Variants in CEACAM3 observed in about 807,000 individuals in gnomAD.
The protein encoded by CEACAM3 is CEA cell adhesion molecule 3.
In CEACAM3, 32 loss-of-function variants were observed where a neutral mutation model predicts 30.1. The observed-to-expected ratio is 1.06, with a 90% CI of 0.80 to 1.43. CEACAM3 has a LOEUF of 1.43. Ranked by LOEUF, CEACAM3 falls within the 40% of genes most tolerant of loss-of-function variation. CEACAM3 has a pLI of 0.00. For synonymous variants in CEACAM3, 134 were observed against 127.2 expected, an observed-to-expected ratio of 1.05 and a Z score of -0.36; for missense variants, 290 against 316.3, an observed-to-expected ratio of 0.92 and a Z score of 0.63.
At chr19:41,798,622 G>C (rs2073122824) in intron 2 of CEACAM3, among the ~76,000 whole-genome samples, 1 of 152,220 alleles carries the variant, frequency 6.6e-6, no homozygotes, top group Admixed American at 6.5e-5. Flanking sequence ...GAACTTAGAT[G>C]ACTCCATGGG....
chr19:41,809,418 G>T, intron 3 of CEACAM3: 1 of 164,724 alleles, frequency 6.1e-6, no homozygotes, highest in Non-Finnish European at 1.3e-5. Flanking sequence ...CATAGGCCCT[G>T]AGGTGTGAGA....
At chr19:41,802,581 G>A (rs1555826129) in intron 2 of CEACAM3, among the ~76,000 whole-genome samples, 1 of 152,144 alleles carries the variant, frequency 6.6e-6, no homozygotes, top group African/African-American at 2.4e-5. Context: ...ACACTCCAGG[G>A]GAGGGATCAA....
intron 3 of CEACAM3, 83 bp from the exon 4 acceptor site, chr19:41,809,882 G>T: frequency 7.3e-7 from 1 of 1,377,070 alleles, no homozygotes; most frequent in Non-Finnish European, 1.0e-6. Flanking sequence ...TTGAAAATGG[G>T]TTTCCCTTCT....
At chr19:41,802,044 G>C (rs1386046972) in intron 2 of CEACAM3, among the ~76,000 whole-genome samples, 1 of 152,172 alleles carries the variant, frequency 6.6e-6, no homozygotes, top group Non-Finnish European at 1.5e-5. Context: ...AATGAGCAAG[G>C]ACAGCCACCT....
intron 2 of CEACAM3, among the ~76,000 whole-genome samples, chr19:41,806,393 T>A (rs1349874285): frequency 6.6e-6 from 1 of 152,074 alleles, no homozygotes; most frequent in Non-Finnish European, 1.5e-5. Context: ...CTGGAAAGAA[T>A]AACCTCACCT....
intron 2 of CEACAM3, among the ~76,000 whole-genome samples, chr19:41,800,183 C>G (rs2073134525): frequency 6.6e-6 from 1 of 152,150 alleles, no homozygotes; most frequent in South Asian, 2.1e-4. Flanking sequence ...ATAATCACAA[C>G]CTAGGAAAAG....
In CEACAM3 at chr19:41,797,916, A is replaced by G; in HGVS notation, c.392A>G (p.Asn131Ser). 6.2e-7 allele frequency: 1 copy of G among 1,611,284 alleles called. No individual in the cohort carries two copies. Among genetic ancestry groups the G allele is most frequent in the Non-Finnish European group, 8.5e-7 (1 of 1,178,566 alleles). ...CAAGTCATAAAGTCAGATCTTGTGAATGAAGAAGCAACTGGACAGTTCCAT... is the reference window on the plus strand; with the variant it reads ...CAAGTCATAAAGTCAGATCTTGTGAGTGAAGAAGCAACTGGACAGTTCCAT... ...TLQVIKSDLVNEEATGQFHVY... is the reference protein window; with the variant it reads ...TLQVIKSDLVSEEATGQFHVY... Residue 131 changes from asparagine to serine, a missense_variant, in exon 2 of 7, where the codon AAT (asparagine) becomes AGT (serine). Asn to Ser is a conservative substitution (Grantham distance 46). Transcript: ENST00000357396.
chr19:41,797,510 A>G, intron 1 of CEACAM3, 79 bp from the exon 2 acceptor site: 2 of 1,528,196 alleles, frequency 1.3e-6, no homozygotes. Flanking sequence ...GGGTGAAGAG[A>G]CTCTCTCAGG....
rs1555827356 is a variant in CEACAM3 at position 41,810,022 on chromosome 19, G to A, written c.595+5G>A. On this transcript the variant is annotated splice_donor_5th_base_variant and intron_variant, in intron 4 of 6. Transcript: ENST00000357396. Reference sequence around the variant, plus strand: ...AGCCCCAAGCCCTTGCCCCTGGTGAGTGTCCTCTCAGCCCAGGTGTGGCTG... The same window carrying A: ...AGCCCCAAGCCCTTGCCCCTGGTGAATGTCCTCTCAGCCCAGGTGTGGCTG... 2.1e-5 allele frequency: 34 copies of A among 1,613,748 alleles called. No homozygotes were observed. The highest frequency in any genetic ancestry group is 2.9e-5 in the Non-Finnish European group (34 of 1,179,768).
At chr19:41,810,654 G>A (rs1381169441) in intron 5 of CEACAM3, among the ~76,000 whole-genome samples, 178 bp from the exon 6 acceptor site, 2 of 152,146 alleles carry the variant, frequency 1.3e-5, no homozygotes, top group African/African-American at 4.8e-5. Flanking sequence ...TGCAGGGTGG[G>A]CCCAGCCAGG....
intron 2 of CEACAM3, among the ~76,000 whole-genome samples, chr19:41,800,771 G>A (rs1322484552): frequency 6.6e-6 from 1 of 152,078 alleles, no homozygotes; most frequent in Non-Finnish European, 1.5e-5. Context: ...TATCATTGGA[G>A]ATGACTCACA....
intron 3 of CEACAM3, chr19:41,809,392 T>A (rs1225046006): frequency 1.8e-5 from 3 of 166,156 alleles, no homozygotes; most frequent in East Asian, 1.8e-4. Context: ...GTGCCCCCCA[T>A]GGCTGATGTG....
chr19:41,810,073 G>A, intron 4 of CEACAM3, 56 bp downstream of exon 4: 2 of 1,539,366 alleles, frequency 1.3e-6, no homozygotes, highest in South Asian at 1.1e-5. Flanking sequence ...GCCCCACAGT[G>A]TCCGCTCCTG....
At position 41,810,077 on chromosome 19, in the gene CEACAM3, G is replaced by A. The variant is rs544299405; in HGVS notation, c.595+60G>A. The A allele has an allele frequency of 1.9e-5, 28 of 1,512,310 alleles. 1 individual carries two copies. Among genetic ancestry groups the A allele is most frequent in the Admixed American group, 5.3e-5 (3 of 56,696 alleles). The allele number at this position is 1,512,310 out of a possible 1,614,324, so 93.7% of individuals were successfully genotyped here. A position where few individuals can be genotyped will look rare whatever the true frequency, so the allele number is the denominator to read the frequency against. ...CCCCTAGGACAGCCCCACAGTGTCC[G>A]CTCCTGCCAGTCACTGCCAGGCAGA... On this transcript the variant is annotated intron_variant, in intron 4 of 6. Coordinates refer to ENST00000357396, the MANE Select transcript of CEACAM3 (RefSeq NM_001815.5).
chr19:41,796,676 C>T lies in CEACAM3; in HGVS notation c.-2C>T. On this transcript the variant is annotated 5_prime_UTR_variant, in exon 1 of 7. Transcript: ENST00000357396. Reference sequence around the variant, plus strand: ...AGGAGGAAAGAGCAGGCAGCAGAGACCATGGGGCCCCCCTCAGCCTCTCCC... The same window carrying T: ...AGGAGGAAAGAGCAGGCAGCAGAGATCATGGGGCCCCCCTCAGCCTCTCCC... 2 of 1,614,158 alleles carry T rather than the reference C, an allele frequency of 1.2e-6. No homozygotes were observed. Among genetic ancestry groups the T allele is most frequent in the Non-Finnish European group, 1.7e-6 (2 of 1,180,010 alleles).
intron 4 of CEACAM3, 151 bp downstream of exon 4, chr19:41,810,168 C>A: frequency 8.0e-7 from 1 of 1,246,782 alleles, no homozygotes; most frequent in Non-Finnish European, 1.2e-6. Context: ...ACCCCAATTG[C>A]TTGGGTCAGC....
At chr19:41,797,985 C>T (rs1555825508) in intron 2 of CEACAM3, 37 bp downstream of exon 2, 2 of 1,569,206 alleles carry the variant, frequency 1.3e-6, no homozygotes, top group Non-Finnish European at 1.7e-6. Flanking sequence ...TGTTGGGGGT[C>T]AGTTCTACTT....
At chr19:41,804,515 A>G (rs1186438889) in intron 2 of CEACAM3, among the ~76,000 whole-genome samples, 1 of 152,182 alleles carries the variant, frequency 6.6e-6, no homozygotes, top group African/African-American at 2.4e-5. Context: ...TTTGACATTT[A>G]CTGACATACA....
chr19:41,808,699 C>G, intron 2 of CEACAM3, 114 bp from the exon 3 acceptor site: 1 of 792,486 alleles, frequency 1.3e-6, no homozygotes, highest in South Asian at 1.6e-5. Flanking sequence ...AGACTACACT[C>G]AGGCCCCATG....
Sources: allele counts gnomAD v4.1 joint callset (sites outside exome capture counted in the v4.1 genomes callset), GRCh38; gene constraint gnomAD v4.1.1; transcripts MANE v1.5; gene names NCBI Gene and HGNC (gene_info 2026-07-23, HGNC 2026-07-21).